TNNI3K: variants seen among roughly 807,000 people sequenced by gnomAD.
TNNI3K encodes the protein serine/threonine-protein kinase TNNI3K.
TNNI3K carries 140 observed loss-of-function variants against 114.5 expected under a neutral mutation model. The observed-to-expected ratio is 1.22, with a 90% CI of 1.07 to 1.41. TNNI3K has a LOEUF of 1.41. Ranked by LOEUF, TNNI3K falls within the 40% of genes most tolerant of loss-of-function variation. TNNI3K has a pLI of 0.00. For missense variants in TNNI3K, 1,125 were observed against 1,007.6 expected, an observed-to-expected ratio of 1.12 and a Z score of -1.58; for synonymous variants, 347 against 347.5, an observed-to-expected ratio of 1.00 and a Z score of 0.02.
intron 23 of TNNI3K, among the ~76,000 whole-genome samples, chr1:74,511,102 G>C (rs1670191783): frequency 6.6e-6 from 1 of 152,032 alleles, no homozygotes; most frequent in Non-Finnish European, 1.5e-5. Flanking sequence ...TGGCCAGGCT[G>C]GTCTGGAACT....
intron 17 of TNNI3K, among the ~76,000 whole-genome samples, chr1:74,417,978 C>G (rs1300472869): frequency 3.3e-5 from 5 of 152,062 alleles, no homozygotes; most frequent in Admixed American, 3.3e-4. Flanking sequence ...ATTTCAATGT[C>G]TATTCTCCTC....
chr1:74,490,726 GA>G (rs1669027395), intron 22 of TNNI3K, among the ~76,000 whole-genome samples: 1 of 152,176 alleles, frequency 6.6e-6, no homozygotes, highest in Admixed American at 6.5e-5. Flanking sequence ...TCAAGGCCAA[GA>G]GGGAGCTACT....
chr1:74,465,067 C>A, intron 21 of TNNI3K: 1 of 969,974 alleles, frequency 1.0e-6, no homozygotes, highest in African/African-American at 1.7e-5. Flanking sequence ...TGTCAAGCAC[C>A]TATTCTAGAA....
intron 2 of TNNI3K, among the ~76,000 whole-genome samples, chr1:74,246,957 C>T (rs1654600059): frequency 6.6e-6 from 1 of 152,050 alleles, no homozygotes; most frequent in South Asian, 2.1e-4. Context: ...TTTTTTCCAA[C>T]TTGGGCAAGT....
chr1:74,336,639 T>A (rs1468163820), intron 7 of TNNI3K, among the ~76,000 whole-genome samples: 1 of 151,864 alleles, frequency 6.6e-6, no homozygotes, highest in African/African-American at 2.4e-5. Context: ...CTGAGAATGA[T>A]GATTTCCATT....
intron 7 of TNNI3K, among the ~76,000 whole-genome samples, chr1:74,340,072 A>T (rs893495527): frequency 2.0e-5 from 3 of 152,114 alleles, no homozygotes; most frequent in Admixed American, 2.0e-4. Flanking sequence ...CTGAAAGCTT[A>T]TTAAAGACAG....
At chr1:74,363,953 G>A (rs1458200089) in intron 11 of TNNI3K, among the ~76,000 whole-genome samples, 1 of 142,864 alleles carries the variant, frequency 7.0e-6, no homozygotes. Flanking sequence ...TGTGACTCTA[G>A]CAAGGAACAG....
At chr1:74,382,875 G>C (rs1320837534) in intron 17 of TNNI3K, among the ~76,000 whole-genome samples, 1 of 152,044 alleles carries the variant, frequency 6.6e-6, no homozygotes, top group Admixed American at 6.6e-5. Context: ...AAATAGAGTT[G>C]GCTTTCATTA....
At chr1:74,241,063 G>A (rs1290298417) in intron 2 of TNNI3K, among the ~76,000 whole-genome samples, 10 of 151,980 alleles carry the variant, frequency 6.6e-5, no homozygotes, top group African/African-American at 2.4e-4. Context: ...GAGAATGATG[G>A]TTTCCAGCTT....
intron 20 of TNNI3K, among the ~76,000 whole-genome samples, chr1:74,453,849 G>T (rs2100703550): frequency 6.6e-6 from 1 of 152,278 alleles, no homozygotes; most frequent in Non-Finnish European, 1.5e-5. Flanking sequence ...GCGCTGAGCA[G>T]GAACGTAGGT....
rs942561928 is a variant in TNNI3K at position 74,469,024 on chromosome 1, G to A, written c.2121+5474G>A. ...CTCACTCCAAACAACAGTGGCATGC[G>A]AAACCCAAGAGATCAGACCTTGAAA... On this transcript the variant is annotated intron_variant, in intron 21 of 24. Transcript: ENST00000326637. 9.2e-5 allele frequency: 14 copies of A among 152,064 alleles called. 1 individual carries two copies. Among genetic ancestry groups the A allele is most frequent in the Admixed American group, 7.2e-4 (11 of 15,254 alleles). 9.4% of individuals were successfully genotyped at this position (152,064 alleles called of 1,614,324 possible). A position where few individuals can be genotyped will look rare whatever the true frequency, so the allele number is the denominator to read the frequency against.
chr1:74,444,818 G>GA lies in TNNI3K; in HGVS notation c.2011+5208dup, dbSNP rs202232808. On this transcript the variant is annotated intron_variant, in intron 20 of 24. Transcript: ENST00000326637. Reference sequence around the variant, plus strand: ...CATAACCAAAACATCATGGTACTGGGAAAAAAAAAAAAGACACATAGACCA... The same window carrying GA: ...CATAACCAAAACATCATGGTACTGGGAAAAAAAAAAAAAGACACATAGACCA... Among the ~76,000 whole-genome samples the GA allele has an allele frequency of 4.7e-3, 670 of 141,614 alleles. 6 individuals carry two copies. Among genetic ancestry groups the GA allele is most frequent in the African/African-American group, 9.9e-3 (386 of 38,808 alleles). 92.9% of individuals were successfully genotyped at this position (141,614 alleles called of 152,430 possible).
intron 17 of TNNI3K, chr1:74,376,962 A>G (rs1662939174): frequency 6.6e-6 from 1 of 152,046 alleles, no homozygotes; most frequent in African/African-American, 2.4e-5. Flanking sequence ...GTTCTAGTGC[A>G]GTGGTTCTCA....
chr1:74,506,690 G>A (rs1264975018), intron 23 of TNNI3K, among the ~76,000 whole-genome samples: 1 of 152,212 alleles, frequency 6.6e-6, no homozygotes, highest in Non-Finnish European at 1.5e-5. Context: ...ATTTTAACAA[G>A]ATTTTAACAG....
chr1:74,250,815 A>G, intron 4 of TNNI3K, 46 bp downstream of exon 4: 1 of 985,920 alleles, frequency 1.0e-6, no homozygotes, highest in African/African-American at 1.7e-5. Context: ...AACTAAGGAT[A>G]GTGTGTATCT....
At chr1:74,385,573 A>T (rs1451674678) in intron 17 of TNNI3K, among the ~76,000 whole-genome samples, 1 of 152,228 alleles carries the variant, frequency 6.6e-6, no homozygotes, top group East Asian at 1.9e-4. Flanking sequence ...GATATCAAAA[A>T]CAATTCCAGC....
chr1:74,441,220 C>G (rs543892884), intron 20 of TNNI3K, among the ~76,000 whole-genome samples: 2 of 152,204 alleles, frequency 1.3e-5, no homozygotes, highest in Non-Finnish European at 2.9e-5. Context: ...CCAAAAAGTT[C>G]CCAGTGCCTG....
chr1:74,380,706 C>T (rs1242333650), intron 17 of TNNI3K, among the ~76,000 whole-genome samples: 2 of 152,138 alleles, frequency 1.3e-5, no homozygotes, highest in African/African-American at 4.8e-5. Context: ...TTCGTTTCTT[C>T]TCTGCTCTCA....
intron 21 of TNNI3K, among the ~76,000 whole-genome samples, chr1:74,483,854 T>A (rs1342333620): frequency 6.6e-6 from 1 of 152,138 alleles, no homozygotes; most frequent in Non-Finnish European, 1.5e-5. Context: ...TCTTACATGA[T>A]TACAACTAAA....
Sources: allele counts gnomAD v4.1 joint callset (sites outside exome capture counted in the v4.1 genomes callset), GRCh38; gene constraint gnomAD v4.1.1; transcripts MANE v1.5; gene names NCBI Gene and HGNC (gene_info 2026-07-23, HGNC 2026-07-21).